The following TET3 variants were observed in gnomAD, a reference collection of about 807,000 sequenced individuals.
TET3 encodes the protein methylcytosine dioxygenase TET3.
In TET3, 19 loss-of-function variants were observed where a neutral mutation model predicts 141.4. The observed-to-expected ratio is 0.13, with a 90% confidence interval of 0.09 to 0.20. The LOEUF is 0.20. Among genes scored for constraint, TET3 ranks in the 10% least tolerant of loss-of-function variants. The pLI is 1.00. For synonymous variants in TET3, 1,043 were observed against 980.9 expected, an observed-to-expected ratio of 1.06 and a Z score of -1.18; for missense variants, 1,874 against 2,356.9, an observed-to-expected ratio of 0.80 and a Z score of 4.24.
At chr2:73,992,407 C>G (rs765984033) in intron 2 of TET3, among the ~76,000 whole-genome samples, 2 of 151,370 alleles carry the variant, frequency 1.3e-5, no homozygotes, top group Non-Finnish European at 2.9e-5. Context: ...TCCACCTCCC[C>G]GGTTCAAGCG....
Position 73,998,757 on chromosome 2 carries a change from G to A in TET3, c.304-4353G>A, listed in dbSNP as rs537716589. Among the ~76,000 whole-genome samples, 3 of 152,262 alleles carry A rather than the reference G, an allele frequency of 2.0e-5. No individual in the cohort carries two copies. In the South Asian group the frequency reaches 6.2e-4, roughly 32 times the overall value. On this transcript the variant is annotated intron_variant, in intron 2 of 11. Transcript: ENST00000409262. ...GGGTGGAAATTGATGCGTGGACACC[G>A]GGGACTTCAAACATAGGCTCTGAAG...
At chr2:74,016,021 T>C (rs1685707752) in intron 3 of TET3, among the ~76,000 whole-genome samples, 1 of 152,138 alleles carries the variant, frequency 6.6e-6, no homozygotes, top group African/African-American at 2.4e-5. Context: ...TCCACAAAAG[T>C]TCTTAATATA....
chr2:74,035,367 G>A (rs1310254354), intron 3 of TET3, among the ~76,000 whole-genome samples: 4 of 148,484 alleles, frequency 2.7e-5, no homozygotes, highest in African/African-American at 1.0e-4. Context: ...GGGAGGCTGA[G>A]GCAGGAGAAT....
At chr2:74,128,033 A>ATATT in the TET3 span, among the ~76,000 whole-genome samples, 1 of 152,256 alleles carries the variant, frequency 6.6e-6, no homozygotes, top group Non-Finnish European at 1.5e-5. Context: ...TTTTAGAGAT[A>ATATT]TATTTAATGT....
intron 3 of TET3, among the ~76,000 whole-genome samples, chr2:74,030,758 CAG>C (rs1482042730): frequency 6.6e-6 from 1 of 151,996 alleles, no homozygotes; most frequent in Non-Finnish European, 1.5e-5. Context: ...GAAGCAGAGG[CAG>C]GGGGCCAGTC....
intron 2 of TET3, among the ~76,000 whole-genome samples, chr2:73,999,928 T>TG (rs918882915): frequency 7.9e-5 from 12 of 152,030 alleles, no homozygotes; most frequent in African/African-American, 2.7e-4. Flanking sequence ...ATGGACTGCC[T>TG]GGGGGACTAT....
rs200273956 is a variant in TET3, at chr2:74,046,942, G to A, written c.1025G>A (p.Ser342Asn). 4.3e-6 allele frequency: 7 copies of A among 1,613,950 alleles called. No homozygotes were observed. The highest frequency in any genetic ancestry group is 5.9e-6 in the Non-Finnish European group (7 of 1,179,868). The change falls in exon 4 of 12, where the codon AGT (serine) becomes AAT (asparagine). Residue 342 changes from serine to asparagine, a missense_variant. By Grantham distance (46) the Ser-to-Asn change is conservative. Transcript: ENST00000409262. The surrounding 1 kb of genome is among the most constrained non-coding windows in gnomAD (Gnocchi z 4.3). ...CAAGAGGGCCTGCCCCTGTCCCAGA[G>A]TGCCCTGAGCATTGCCAAGGAAAAA... is the stretch of plus-strand genomic sequence containing the variant. Reference protein sequence around the residue: ...SPQEGLPLSQSALSIAKEKNI... With the variant: ...SPQEGLPLSQNALSIAKEKNI...
intron 4 of TET3, among the ~76,000 whole-genome samples, chr2:74,051,036 T>C (rs979127474): frequency 7.2e-5 from 11 of 152,164 alleles, no homozygotes; most frequent in Admixed American, 4.6e-4. Flanking sequence ...TCTGGGAAAC[T>C]CTTGTTTAGA....
intron 3 of TET3, among the ~76,000 whole-genome samples, chr2:74,017,777 C>T (rs1449043260): frequency 1.3e-5 from 2 of 152,020 alleles, no homozygotes; most frequent in African/African-American, 2.4e-5. Flanking sequence ...CTGGATCATA[C>T]GGTAGTTCTA....
Position 74,093,506 on chromosome 2 carries a change from C to G in TET3, c.3130-23C>G, listed in dbSNP as rs1449606375. On this transcript the variant is annotated intron_variant, in intron 9 of 11. Transcript: ENST00000409262. The surrounding 1 kb of genome is among the most constrained non-coding windows in gnomAD (Gnocchi z 4.2). ...CCACTCACCTCAGGTCATGTGAGCA[C>G]CTCTCCTTGGCTGTCTACACAGGTG... 1.1e-5 allele frequency: 17 copies of G among 1,582,690 alleles called. No individual in the cohort carries two copies. In the Middle Eastern group the frequency reaches 5.0e-4, roughly 47 times the overall value.
In TET3 at chr2:74,104,694, A is replaced by G. The variant is rs985902030; in HGVS notation, c.*2518A>G. 2 of 153,154 alleles carry G rather than the reference A, an allele frequency of 1.3e-5. No homozygotes were observed. Among genetic ancestry groups the G allele is most frequent in the African/African-American group, 2.4e-5 (1 of 41,478 alleles). The allele number at this position is 153,154 out of a possible 1,614,324, so 9.5% of individuals were successfully genotyped here. ...TGGCATGTGTGAATCTTCCTGATGT[A>G]TGTTAAATAAACTCTTCCCCTCATC... On this transcript the variant is annotated 3_prime_UTR_variant, in exon 12 of 12. Transcript: ENST00000409262.
the TET3 span, among the ~76,000 whole-genome samples, chr2:74,132,541 C>T: frequency 6.6e-6 from 1 of 152,156 alleles, no homozygotes; most frequent in East Asian, 1.9e-4. Flanking sequence ...GTGCATGTCA[C>T]CACAACTGGC....
chr2:74,006,695 G>T (rs1375054799), intron 3 of TET3, among the ~76,000 whole-genome samples: 1 of 152,204 alleles, frequency 6.6e-6, no homozygotes, highest in Non-Finnish European at 1.5e-5. Flanking sequence ...TGGGGGCAGG[G>T]AGTATGGGAG....
Position 74,087,810 on chromosome 2 carries a change from C to A in TET3, c.2680-20C>A, listed in dbSNP as rs1433266311. 5 of 1,537,322 alleles carry A rather than the reference C, an allele frequency of 3.3e-6. No homozygotes were observed. In the Admixed American group the frequency reaches 7.9e-5, roughly 24 times the overall value. ...GCACGGGTACCTGGCTCCTGCCCCT[C>A]ACACCCTGCGTCCCTGCAGGTGATC... On this transcript the variant is annotated intron_variant, in intron 6 of 11. Coordinates refer to ENST00000409262, the MANE Select transcript of TET3 (RefSeq NM_001287491.2). This position sits in a 1 kb window ranked among gnomAD's most constrained non-coding sequence, Gnocchi z 4.3.
chr2:74,015,861 A>AT (rs1370735330), intron 3 of TET3, among the ~76,000 whole-genome samples: 1 of 152,152 alleles, frequency 6.6e-6, no homozygotes, highest in Non-Finnish European at 1.5e-5. Flanking sequence ...AATTTTTGCC[A>AT]TTTGGCTAGG....
At chr2:74,128,935 TG>T in the TET3 span, among the ~76,000 whole-genome samples, 1 of 138,958 alleles carries the variant, frequency 7.2e-6, no homozygotes, top group African/African-American at 2.7e-5. Flanking sequence ...AAGGCTGCAG[TG>T]AGTTGTGAAT....
At chr2:74,073,198 G>A (rs1689305573) in intron 4 of TET3, among the ~76,000 whole-genome samples, 1 of 152,190 alleles carries the variant, frequency 6.6e-6, no homozygotes, top group Admixed American at 6.5e-5. Context: ...CTGGTCTTGA[G>A]TGTGTATCTA....
At chr2:74,060,104 G>A (rs1011132681) in intron 4 of TET3, among the ~76,000 whole-genome samples, 1 of 152,170 alleles carries the variant, frequency 6.6e-6, no homozygotes, top group Non-Finnish European at 1.5e-5. Context: ...TTTCAAAGTG[G>A]TTGTTACAGT....
At chr2:74,133,666 G>A in the TET3 span, among the ~76,000 whole-genome samples, 1 of 152,218 alleles carries the variant, frequency 6.6e-6, no homozygotes, top group Non-Finnish European at 1.5e-5. Flanking sequence ...AACAATCCAA[G>A]GGAGAGAGCA....
Sources: allele counts gnomAD v4.1 joint callset (sites outside exome capture counted in the v4.1 genomes callset), GRCh38; gene constraint gnomAD v4.1.1; non-coding constraint Gnocchi (gnomAD v3.1); transcripts MANE v1.5; gene names NCBI Gene and HGNC (gene_info 2026-07-23, HGNC 2026-07-21).